LOC128462377: variants seen among roughly 807,000 people sequenced by gnomAD.
the LOC128462377 span, among the ~76,000 whole-genome samples, chr16:89,378,102 T>G: frequency 6.6e-6 from 1 of 152,118 alleles, no homozygotes; most frequent in Admixed American, 6.6e-5. Context: ...ATAATCCCAG[T>G]GCACTGGGAG....
the LOC128462377 span, chr16:89,418,155 CACA>C: frequency 2.5e-6 from 1 of 401,766 alleles, no homozygotes; most frequent in Non-Finnish European, 5.2e-6. Flanking sequence ...GAACAAAATT[CACA>C]ACATTTCGAC....
At chr16:89,324,329 C>T in the LOC128462377 span, 22 of 1,210,108 alleles carry the variant, frequency 1.8e-5, no homozygotes, top group Non-Finnish European at 2.3e-5. Flanking sequence ...GCAGTCGGGG[C>T]GACGTGGGTG....
chr16:89,320,844 G>T, the LOC128462377 span, among the ~76,000 whole-genome samples: 1 of 152,384 alleles, frequency 6.6e-6, no homozygotes, highest in Admixed American at 6.5e-5. Flanking sequence ...TCTCCACACT[G>T]CGAGAGCCCC....
At chr16:89,390,742 T>C in the LOC128462377 span, among the ~76,000 whole-genome samples, 117 of 152,294 alleles carry the variant, frequency 7.7e-4, no homozygotes, top group South Asian at 2.9e-3. Context: ...GAAAAACACC[T>C]GTGAAAATCT....
chr16:89,334,559 G>A, the LOC128462377 span, among the ~76,000 whole-genome samples: 7 of 152,120 alleles, frequency 4.6e-5, no homozygotes, highest in Non-Finnish European at 8.8e-5. Flanking sequence ...TGGGCATGCG[G>A]CATGCTATGG....
the LOC128462377 span, chr16:89,403,720 A>G: frequency 2.0e-5 from 3 of 152,242 alleles, no homozygotes; most frequent in African/African-American, 4.8e-5. Context: ...ACTTGAGGCC[A>G]TAAGTTTGAG....
At chr16:89,410,499 A>G in the LOC128462377 span, among the ~76,000 whole-genome samples, 1 of 152,128 alleles carries the variant, frequency 6.6e-6, no homozygotes, top group Non-Finnish European at 1.5e-5. Context: ...GTCAGGAACC[A>G]CGCAGAGCCA....
chr16:89,344,616 C>T, the LOC128462377 span, among the ~76,000 whole-genome samples: 1 of 152,246 alleles, frequency 6.6e-6, no homozygotes, highest in African/African-American at 2.4e-5. Flanking sequence ...CGGGAGGACA[C>T]TCCAGGCTGA....
At chr16:89,353,164 A>G in the LOC128462377 span, among the ~76,000 whole-genome samples, 1 of 152,102 alleles carries the variant, frequency 6.6e-6, no homozygotes, top group Non-Finnish European at 1.5e-5. Flanking sequence ...CAATATGGTG[A>G]AACCCCGTCT....
chr16:89,368,110 T>C, the LOC128462377 span, among the ~76,000 whole-genome samples: 2 of 152,238 alleles, frequency 1.3e-5, no homozygotes, highest in East Asian at 1.9e-4. Context: ...CAGTGCTCAC[T>C]ACGCTACTCA....
chr16:89,357,205 G>A, the LOC128462377 span, among the ~76,000 whole-genome samples: 1 of 152,182 alleles, frequency 6.6e-6, no homozygotes, highest in Non-Finnish European at 1.5e-5. Context: ...GAGTGGGGTT[G>A]GGGGCGGGGT....
the LOC128462377 span, among the ~76,000 whole-genome samples, chr16:89,327,604 C>T: frequency 2.0e-5 from 3 of 152,166 alleles, no homozygotes; most frequent in Non-Finnish European, 4.4e-5. Flanking sequence ...AAAGACAGTA[C>T]CATCCTATTT....
At chr16:89,363,929 T>C in the LOC128462377 span, among the ~76,000 whole-genome samples, 1,342 of 152,166 alleles carry the variant, frequency 8.8e-3, 10 homozygotes, top group Non-Finnish European at 0.015. Context: ...TATGATGGCA[T>C]ACATGCCTGC....
chr16:89,391,335 G>A, the LOC128462377 span, among the ~76,000 whole-genome samples: 2 of 152,136 alleles, frequency 1.3e-5, no homozygotes, highest in Non-Finnish European at 2.9e-5. Flanking sequence ...GGCTTGCGGT[G>A]GGTGCTGGAG....
At chr16:89,415,434 T>G in the LOC128462377 span, among the ~76,000 whole-genome samples, 1 of 150,902 alleles carries the variant, frequency 6.6e-6, no homozygotes, top group African/African-American at 2.5e-5. Context: ...CCGGCTAATT[T>G]TTTGTATTTT....
At chr16:89,384,874 G>GTTTTTTTTTT in the LOC128462377 span, among the ~76,000 whole-genome samples, 5 of 72,752 alleles carry the variant, frequency 6.9e-5, no homozygotes, top group African/African-American at 2.8e-4. Context: ...ATGAGAAATA[G>GTTTTTTTTTT]TTTTCTTTTT....
At chr16:89,336,385 T>C in the LOC128462377 span, among the ~76,000 whole-genome samples, 1 of 152,150 alleles carries the variant, frequency 6.6e-6, no homozygotes, top group African/African-American at 2.4e-5. Flanking sequence ...GACAGCACAC[T>C]GGATTCAAAG....
the LOC128462377 span, among the ~76,000 whole-genome samples, chr16:89,401,652 A>C: frequency 6.6e-6 from 1 of 152,056 alleles, no homozygotes; most frequent in South Asian, 2.1e-4. Context: ...TAGCCCCCCA[A>C]CACCACAGAC....
At chr16:89,369,427 G>C in the LOC128462377 span, among the ~76,000 whole-genome samples, 11 of 152,340 alleles carry the variant, frequency 7.2e-5, no homozygotes, top group African/African-American at 2.6e-4. Context: ...GCTGCAGCAA[G>C]GGTGCGCCTC....
Sources: gnomAD v4.1 joint callset for allele counts (sites outside exome capture counted in the v4.1 genomes callset) on GRCh38, gnomAD v4.1.1 for gene constraint, MANE v1.5 for transcripts.